Variants in ZNF333 observed in about 807,000 individuals in gnomAD.
ZNF333 encodes the protein zinc finger protein 333.
In ZNF333, 61 loss-of-function variants were observed where a neutral mutation model predicts 76.1. The ratio of observed to expected loss-of-function variants is 0.80; its 90% CI spans 0.65 to 0.99. ZNF333 has a LOEUF of 0.99. Ranked by LOEUF, ZNF333 falls within the 50% of genes least tolerant of loss-of-function variation. The pLI is 0.00. For missense variants in ZNF333, 717 were observed against 822.4 expected, an observed-to-expected ratio of 0.87 and a Z score of 1.57; for synonymous variants, 284 against 305.0, an observed-to-expected ratio of 0.93 and a Z score of 0.72.
rs1402934088 is a variant in ZNF333, at chr19:14,719,179, T to A, written c.1852T>A (p.Tyr618Asn). ...GAGAACACACAGTGCCGGGAGACCC[T>A]ATCAATGTAATCAGTGTGAGAAAGC... is the stretch of plus-strand genomic sequence containing the variant. ...HVRTHSAGRPYQCNQCEKAFR... is the reference protein window; with the variant it reads ...HVRTHSAGRPNQCNQCEKAFR... The change falls in exon 12 of 12, where the codon TAT (tyrosine) becomes AAT (asparagine). Residue 618 changes from tyrosine (Y) to asparagine (N), a missense_variant. By Grantham distance (143) the Tyr-to-Asn change is moderately radical (BLOSUM62 -2). Coordinates refer to ENST00000292530, the MANE Select transcript of ZNF333 (RefSeq NM_032433.4). The A allele has an allele frequency of 7.4e-6, 12 of 1,614,080 alleles. No homozygotes were observed. The highest frequency in any genetic ancestry group is 1.0e-5 in the Non-Finnish European group (12 of 1,180,044).
chr19:14,693,203 A>G (rs1303543076), intron 1 of ZNF333, among the ~76,000 whole-genome samples: 1 of 152,220 alleles, frequency 6.6e-6, no homozygotes, highest in South Asian at 2.1e-4. Flanking sequence ...GCAGTGGAGG[A>G]AAAGTAGAAG....
chr19:14,720,926 T>C lies in ZNF333; in HGVS notation c.*1601T>C. The C allele has an allele frequency of 1.1e-6, 1 of 893,216 alleles. No individual in the cohort carries two copies. The highest frequency in any genetic ancestry group is 1.3e-6 in the Non-Finnish European group (1 of 747,340). 55.3% of individuals were successfully genotyped at this position (893,216 alleles called of 1,614,324 possible). On this transcript the variant is annotated 3_prime_UTR_variant, in exon 12 of 12. Coordinates refer to ENST00000292530, the MANE Select transcript of ZNF333 (RefSeq NM_032433.4). ...ATATATATGTTTTGAAGCAATGAAA[T>C]TAAATATAGATACTGACATTTTTTA...
chr19:14,715,558 A>T, intron 8 of ZNF333, 88 bp downstream of exon 8: 1 of 1,250,848 alleles, frequency 8.0e-7, no homozygotes, highest in Non-Finnish European at 1.1e-6. Context: ...GGATCATCTC[A>T]TAGGGTTGGT....
chr19:14,727,465 G>T (rs543164740), intron 11 of ZNF333, among the ~76,000 whole-genome samples: 46 of 152,310 alleles, frequency 3.0e-4, no homozygotes, highest in African/African-American at 1.1e-3. Flanking sequence ...ACATCACATA[G>T]TGAGACCAGG....
chr19:14,691,406 C>T (rs1269778594), intron 1 of ZNF333, among the ~76,000 whole-genome samples: 1 of 152,046 alleles, frequency 6.6e-6, no homozygotes, highest in Non-Finnish European at 1.5e-5. Flanking sequence ...TTGAGTTGGC[C>T]ATAAGTGGGA....
intron 7 of ZNF333, among the ~76,000 whole-genome samples, chr19:14,711,855 G>A (rs2042285721): frequency 6.6e-6 from 1 of 152,066 alleles, no homozygotes. Flanking sequence ...ACTCATGGCA[G>A]CAATACATAG....
At position 14,695,012 on chromosome 19, in the gene ZNF333, A is replaced by C; in HGVS notation, c.6A>C (p.Glu2Asp). Residue 2 changes from glutamate to aspartate, a missense_variant and splice_region_variant, in exon 3 of 12, where the codon GAA (glutamate) becomes GAC (aspartate). Coordinates refer to ENST00000292530, the MANE Select transcript of ZNF333 (RefSeq NM_032433.4). Reference sequence around the variant, plus strand: ...CCAGAATGTGTGTGCTGTTTTAGGAATCCGTCACCTTTGAGGATGTGGCCG... The same window carrying C: ...CCAGAATGTGTGTGCTGTTTTAGGACTCCGTCACCTTTGAGGATGTGGCCG... M[E>D]SVTFEDVAVE... 6.2e-7 allele frequency: 1 copy of C among 1,614,130 alleles called. No homozygotes were observed.
downstream of ZNF333, among the ~76,000 whole-genome samples, chr19:14,724,937 G>C (rs78573307): frequency 1.5e-3 from 234 of 152,296 alleles, no homozygotes; most frequent in African/African-American, 5.5e-3. Flanking sequence ...CACTTTTAGG[G>C]AGAGATGTAC....
In ZNF333 at chr19:14,706,704, C is replaced by T; in HGVS notation, c.442C>T (p.Gln148Ter). ...LGCTGLKAAM[Q>*]IQRVVIPVPT... is the part of the protein sequence containing the mutation. ...TGTCCAGGGACTGAAGGCCGCTATGCAGATTCAGAGGGTGGTGATACCAGT... is the reference window on the plus strand; with the variant it reads ...TGTCCAGGGACTGAAGGCCGCTATGTAGATTCAGAGGGTGGTGATACCAGT... Residue 148 changes from glutamine (Q) to a stop codon, truncating the protein, a stop_gained, in exon 7 of 12, where the codon CAG (glutamine) becomes TAG (stop). Coordinates refer to ENST00000292530, the MANE Select transcript of ZNF333 (RefSeq NM_032433.4). LOFTEE classifies it high-confidence loss of function. The T allele has an allele frequency of 6.2e-7, 1 of 1,614,090 alleles. No homozygotes were observed. The highest frequency in any genetic ancestry group is 8.5e-7 in the Non-Finnish European group (1 of 1,180,004).
chr19:14,690,430 C>T (rs1167450591), intron 1 of ZNF333, among the ~76,000 whole-genome samples: 1 of 152,218 alleles, frequency 6.6e-6, no homozygotes, highest in African/African-American at 2.4e-5. Flanking sequence ...AATGTGGTGA[C>T]ACCGGCCCCA....
At chr19:14,711,177 C>T (rs372244512) in intron 7 of ZNF333, among the ~76,000 whole-genome samples, 6 of 152,136 alleles carry the variant, frequency 3.9e-5, no homozygotes, top group East Asian at 1.9e-4. Context: ...CCCTAAATTC[C>T]AGACTTTCAG....
chr19:14,699,178 T>G, intron 4 of ZNF333, 21 bp from the exon 5 acceptor site: 1 of 1,603,430 alleles, frequency 6.2e-7, no homozygotes, highest in Non-Finnish European at 8.5e-7. Flanking sequence ...AGGAGTTCAT[T>G]TTTTCTCCCA....
chr19:14,718,741 C>T lies in ZNF333; in HGVS notation c.1414C>T (p.His472Tyr). The change falls in exon 12 of 12, where the codon CAC becomes TAC. Residue 472 changes from histidine to tyrosine, a missense_variant. Coordinates refer to ENST00000292530, the MANE Select transcript of ZNF333 (RefSeq NM_032433.4). ...ATCCCTCAGGAGCCACGTGAGAACT[C>T]ACACTGGAGAGAAGCCCTTTGAATG... ...PSSLRSHVRT[H>Y]TGEKPFECSQ... 6.2e-7 allele frequency: 1 copy of T among 1,614,084 alleles called. No homozygotes were observed. The highest frequency in any genetic ancestry group is 8.5e-7 in the Non-Finnish European group (1 of 1,180,012).
rs2042513246 is a variant in ZNF333, at chr19:14,718,758, C to T, written c.1431C>T (p.Pro477=). The T allele has an allele frequency of 6.2e-7, 1 of 1,614,074 alleles. No homozygotes were observed. The change falls in exon 12 of 12, where the codon CCC becomes CCT. Residue 477 remains proline (P), a synonymous_variant. Transcript: ENST00000292530. ...TGAGAACTCACACTGGAGAGAAGCC[C>T]TTTGAATGCAGCCAGTGTGGGAAAG... ...SHVRTHTGEK[P]FECSQCGKAF... is the part of the protein sequence containing the mutation.
intron 11 of ZNF333, 122 bp from the exon 12 acceptor site, chr19:14,718,106 A>T: frequency 7.5e-7 from 1 of 1,324,916 alleles, no homozygotes; most frequent in South Asian, 1.5e-5. Context: ...AATGGTATGG[A>T]CTCCATAAAT....
chr19:14,702,067 T>C (rs2146969684), intron 5 of ZNF333, among the ~76,000 whole-genome samples: 1 of 152,316 alleles, frequency 6.6e-6, no homozygotes, highest in East Asian at 1.9e-4. Context: ...GTCACAATCA[T>C]TGAGACCCTG....
At chr19:14,706,144 C>G in intron 6 of ZNF333, 1 of 457,636 alleles carries the variant, frequency 2.2e-6, no homozygotes, top group Non-Finnish European at 4.4e-6. Flanking sequence ...CGTTAGTTCT[C>G]CTGGACTCCA....
At chr19:14,704,095 C>T (rs1374231123) in intron 5 of ZNF333, among the ~76,000 whole-genome samples, 1 of 152,150 alleles carries the variant, frequency 6.6e-6, no homozygotes, top group Non-Finnish European at 1.5e-5. Context: ...CCTCTTCACA[C>T]GGCCATCCCT....
Position 14,697,034 on chromosome 19 carries a change from G to C in ZNF333, c.223+1373G>C, listed in dbSNP as rs530390343. On this transcript the variant is annotated intron_variant, in intron 4 of 11. Coordinates refer to ENST00000292530, the MANE Select transcript of ZNF333 (RefSeq NM_032433.4). The stretch of plus-strand genomic sequence containing the variant: ...TTACAGGCGTGAGCCATTGTGCCCG[G>C]CCACCTAATCACCTTTTAAAGTTCC... Among the ~76,000 whole-genome samples, 82 of 152,258 alleles carry C rather than the reference G, an allele frequency of 5.4e-4. 1 individual carries two copies. The highest frequency in any genetic ancestry group is 1.9e-3 in the African/African-American group (79 of 41,554).
Sources: allele counts gnomAD v4.1 joint callset (sites outside exome capture counted in the v4.1 genomes callset), GRCh38; gene constraint gnomAD v4.1.1; transcripts MANE v1.5; gene names NCBI Gene and HGNC (gene_info 2026-07-23, HGNC 2026-07-21).